NAALADL2: variants seen among roughly 807,000 people sequenced by gnomAD.
The protein encoded by NAALADL2 is inactive N-acetylated-alpha-linked acidic dipeptidase-like protein 2.
NAALADL2 carries 76 observed loss-of-function variants against 87.2 expected under a neutral mutation model. The ratio of observed to expected loss-of-function variants is 0.87; its 90% CI spans 0.72 to 1.05. The LOEUF is 1.05. Ranked by LOEUF, NAALADL2 falls within the 50% of genes least tolerant of loss-of-function variation. NAALADL2 has a pLI of 0.00. For missense variants in NAALADL2, 1,089 were observed against 945.8 expected (o/e 1.15, Z -1.99); for synonymous variants, 354 against 331.0 (o/e 1.07, Z -0.75).
At position 175,669,366 on chromosome 3, in the gene NAALADL2, C is replaced by T. The variant is rs963889700; in HGVS notation, c.1896+41980C>T. Among the ~76,000 whole-genome samples the T allele has an allele frequency of 9.2e-5, 14 of 152,048 alleles. 1 individual carries two copies. Among genetic ancestry groups the T allele is most frequent in the Admixed American group, 2.6e-4 (4 of 15,254 alleles). ...GTCATTATGACAATAAGTTGTAGGA[C>T]GATGCAGAACCATTCTAGGTCATAT... On this transcript the variant is annotated intron_variant, in intron 11 of 13. Coordinates refer to ENST00000454872, the MANE Select transcript of NAALADL2 (RefSeq NM_207015.3).
intron 9 of NAALADL2, among the ~76,000 whole-genome samples, chr3:175,527,000 A>G (rs372105385): frequency 2.0e-5 from 3 of 152,134 alleles, no homozygotes; most frequent in Non-Finnish European, 4.4e-5. Flanking sequence ...CTTTCCTTGT[A>G]CTGTTTCCTT....
chr3:175,675,171 C>T (rs1257215511), intron 11 of NAALADL2: 3 of 152,300 alleles, frequency 2.0e-5, no homozygotes, highest in East Asian at 3.9e-4. Context: ...ACACCATGTG[C>T]ATATTTGAAA....
chr3:174,739,919 CAATA>C (rs891205004), intron 3 of NAALADL2, among the ~76,000 whole-genome samples: 17 of 152,042 alleles, frequency 1.1e-4, no homozygotes, highest in Middle Eastern at 3.4e-3. Context: ...TGGAAAATAA[CAATA>C]AACATATAAA....
intron 1 of NAALADL2, among the ~76,000 whole-genome samples, chr3:174,887,213 C>T (rs1235835655): frequency 5.3e-5 from 8 of 152,162 alleles, no homozygotes; most frequent in East Asian, 1.9e-4. Context: ...GCCTGCTCTA[C>T]AGCACTGAAC....
intron 1 of NAALADL2, among the ~76,000 whole-genome samples, chr3:174,461,014 T>C (rs1045960644): frequency 6.6e-6 from 1 of 152,112 alleles, no homozygotes; most frequent in African/African-American, 2.4e-5. Flanking sequence ...ATGGATGCTC[T>C]GCAATTATGC....
chr3:175,785,300 G>T (rs1330318050), intron 13 of NAALADL2, among the ~76,000 whole-genome samples: 1 of 150,060 alleles, frequency 6.7e-6, no homozygotes, highest in East Asian at 1.9e-4. Context: ...AGTTGACAGT[G>T]GGGTGTTAAA....
At chr3:174,996,236 G>A (rs1364997848) in intron 1 of NAALADL2, among the ~76,000 whole-genome samples, 2 of 152,094 alleles carry the variant, frequency 1.3e-5, no homozygotes, top group African/African-American at 4.8e-5. Flanking sequence ...GGTGGCTCAC[G>A]CCTGTAATCC....
Position 175,481,365 on chromosome 3 carries a change from G to A in NAALADL2, c.1653+9607G>A, listed in dbSNP as rs867776679. ...TGTGTGTGTGTGTGTGTGTGTGTGT[G>A]TATATAGCTGTGTCTACATACTCTT... On this transcript the variant is annotated intron_variant, in intron 9 of 13. Transcript: ENST00000454872. Among the ~76,000 whole-genome samples, 288 of 147,348 alleles carry A rather than the reference G, an allele frequency of 2.0e-3. 3 individuals carry two copies. Among genetic ancestry groups the A allele is most frequent in the African/African-American group, 6.2e-3 (242 of 38,930 alleles).
chr3:175,220,957 G>A (rs1743264558), intron 2 of NAALADL2, among the ~76,000 whole-genome samples: 1 of 152,200 alleles, frequency 6.6e-6, no homozygotes, highest in African/African-American at 2.4e-5. Context: ...AGCACTTTGG[G>A]AGGCTGAGGT....
chr3:174,923,909 G>C (rs1046275827), intron 1 of NAALADL2, among the ~76,000 whole-genome samples: 2 of 152,004 alleles, frequency 1.3e-5, no homozygotes, highest in South Asian at 2.1e-4. Context: ...TTGTCCCCTG[G>C]CAGAGTCATT....
intron 1 of NAALADL2, among the ~76,000 whole-genome samples, chr3:174,472,009 T>C (rs754891362): frequency 1.3e-5 from 2 of 152,170 alleles, no homozygotes; most frequent in Non-Finnish European, 2.9e-5. Flanking sequence ...TTCTACAGAT[T>C]TTCTAGGAAA....
intron 1 of NAALADL2, among the ~76,000 whole-genome samples, chr3:175,090,245 T>C (rs1204944290): frequency 6.6e-6 from 1 of 152,090 alleles, no homozygotes. Context: ...CTTAAACTTA[T>C]GTGGTAGATA....
At chr3:175,393,669 A>C (rs1200719121) in intron 5 of NAALADL2, among the ~76,000 whole-genome samples, 4 of 152,156 alleles carry the variant, frequency 2.6e-5, no homozygotes, top group Non-Finnish European at 5.9e-5. Flanking sequence ...CAATAACCTG[A>C]GGATAAATCA....
chr3:175,453,938 T>TC (rs1274715931), intron 6 of NAALADL2, among the ~76,000 whole-genome samples: 6 of 152,114 alleles, frequency 3.9e-5, no homozygotes, highest in African/African-American at 1.4e-4. Flanking sequence ...TATCATACCT[T>TC]CCGGAATAGC....
intron 2 of NAALADL2, among the ~76,000 whole-genome samples, chr3:175,203,673 TA>T (rs1298148511): frequency 1.3e-5 from 2 of 151,810 alleles, no homozygotes; most frequent in African/African-American, 4.8e-5. Context: ...TAATCTCTCA[TA>T]AATAATATTG....
chr3:174,680,595 A>G (rs1396430094), intron 2 of NAALADL2, among the ~76,000 whole-genome samples: 1 of 152,202 alleles, frequency 6.6e-6, no homozygotes, highest in African/African-American at 2.4e-5. Flanking sequence ...CCACCATTTT[A>G]TGGAAAAGAA....
At chr3:174,449,115 A>G (rs1359150125) in intron 1 of NAALADL2, among the ~76,000 whole-genome samples, 4 of 152,170 alleles carry the variant, frequency 2.6e-5, no homozygotes. Flanking sequence ...AACTTTGATA[A>G]TTCGAGGTTA....
chr3:175,163,545 A>C (rs1733547612), intron 2 of NAALADL2, among the ~76,000 whole-genome samples: 1 of 151,960 alleles, frequency 6.6e-6, no homozygotes, highest in Non-Finnish European at 1.5e-5. Context: ...TGAAAACCAT[A>C]ATATTCTACC....
chr3:175,038,188 T>C (rs1753645489), intron 1 of NAALADL2, among the ~76,000 whole-genome samples: 1 of 152,134 alleles, frequency 6.6e-6, no homozygotes, highest in African/African-American at 2.4e-5. Flanking sequence ...TTTTTAAGGA[T>C]TCGTGGGAAG....
Sources: allele counts gnomAD v4.1 joint callset (sites outside exome capture counted in the v4.1 genomes callset), GRCh38; gene constraint gnomAD v4.1.1; transcripts MANE v1.5; gene names NCBI Gene and HGNC (gene_info 2026-07-23, HGNC 2026-07-21).